RIC8B: variants seen among roughly 807,000 people sequenced by gnomAD.
RIC8B encodes RIC8 guanine nucleotide exchange factor B.
Under a neutral mutation model 57.5 loss-of-function variants are expected in RIC8B, and 16 were observed. The observed-to-expected ratio is 0.28, with a 90% CI of 0.19 to 0.42. The LOEUF (loss-of-function observed/expected upper bound fraction) is 0.42, where lower values mean the gene tolerates loss of function less well. RIC8B is among the 10% of genes least tolerant of loss of function. The probability of loss-of-function intolerance (pLI) is 1.00; values close to 1 mark genes in which losing one functional copy is unlikely to be tolerated. For synonymous variants in RIC8B, 216 were observed against 250.8 expected, an observed-to-expected ratio of 0.86 and a Z score of 1.31; for missense variants, 481 against 677.0, an observed-to-expected ratio of 0.71 and a Z score of 3.21.
chr12:106,871,793 T>G (rs948762627), intron 9 of RIC8B, among the ~76,000 whole-genome samples: 2 of 152,160 alleles, frequency 1.3e-5, no homozygotes, highest in East Asian at 3.9e-4. Flanking sequence ...TAAAGGCTAG[T>G]ATCCCTCAGT....
At chr12:106,885,421 A>G (rs998211650) in intron 9 of RIC8B, among the ~76,000 whole-genome samples, 1 of 152,162 alleles carries the variant, frequency 6.6e-6, no homozygotes, top group Non-Finnish European at 1.5e-5. Context: ...ATGTACTTAC[A>G]TATCACTAGA....
At chr12:106,855,947 A>G (rs1436515650) in intron 7 of RIC8B, among the ~76,000 whole-genome samples, 1 of 152,092 alleles carries the variant, frequency 6.6e-6, no homozygotes, top group Non-Finnish European at 1.5e-5. Context: ...CTTCATTCCC[A>G]TGCCCTTCGA....
At chr12:106,861,889 A>G (rs959342598) in intron 8 of RIC8B, among the ~76,000 whole-genome samples, 1 of 152,116 alleles carries the variant, frequency 6.6e-6, no homozygotes, top group African/African-American at 2.4e-5. Flanking sequence ...ACTCATGAGT[A>G]CTCATACATG....
At chr12:106,823,945 C>T (rs2045973473) in intron 3 of RIC8B, among the ~76,000 whole-genome samples, 2 of 152,166 alleles carry the variant, frequency 1.3e-5, no homozygotes, top group African/African-American at 4.8e-5. Context: ...CTCGGCCTCC[C>T]GAAGTGCTGG....
intron 2 of RIC8B, among the ~76,000 whole-genome samples, chr12:106,788,076 T>C (rs189034349): frequency 6.6e-6 from 1 of 152,208 alleles, no homozygotes; most frequent in East Asian, 1.9e-4. Context: ...ATTGGGTAAA[T>C]ACAGCCATTC....
At chr12:106,815,732 G>T (rs2045546585) in intron 3 of RIC8B, among the ~76,000 whole-genome samples, 1 of 152,260 alleles carries the variant, frequency 6.6e-6, no homozygotes, top group South Asian at 2.1e-4. Context: ...ATCAGAATTG[G>T]TGTCTGCTCA....
chr12:106,776,029 A>G (rs748390977), intron 1 of RIC8B, among the ~76,000 whole-genome samples: 7 of 152,136 alleles, frequency 4.6e-5, no homozygotes, highest in East Asian at 1.9e-4. Context: ...AATCTTCCCA[A>G]CAACCCTGGG....
chr12:106,794,645 CCTCAT>C (rs935286182), intron 2 of RIC8B, among the ~76,000 whole-genome samples: 1 of 152,016 alleles, frequency 6.6e-6, no homozygotes, highest in African/African-American at 2.4e-5. Flanking sequence ...AAAGAAGAAA[CCTCAT>C]CTAAGAATCC....
At chr12:106,832,419 T>G (rs987357409) in intron 4 of RIC8B, among the ~76,000 whole-genome samples, 3 of 151,916 alleles carry the variant, frequency 2.0e-5, no homozygotes, top group Non-Finnish European at 4.4e-5. Flanking sequence ...AACACAAAAA[T>G]TAGATGGGCG....
chr12:106,837,646 T>G (rs1395788574), intron 4 of RIC8B, among the ~76,000 whole-genome samples: 1 of 147,940 alleles, frequency 6.8e-6, no homozygotes. Flanking sequence ...TTTGTTTTTT[T>G]TTTTTTTTTT....
intron 8 of RIC8B, among the ~76,000 whole-genome samples, chr12:106,868,587 G>A (rs928567938): frequency 2.0e-5 from 3 of 152,048 alleles, no homozygotes; most frequent in South Asian, 2.1e-4. Context: ...ATCTGGATAC[G>A]TCTCCATAGT....
intron 2 of RIC8B, among the ~76,000 whole-genome samples, chr12:106,784,641 G>A (rs565959025): frequency 6.6e-6 from 1 of 152,290 alleles, no homozygotes; most frequent in African/African-American, 2.4e-5. Flanking sequence ...GGGATTACAG[G>A]TGTGAGCTAC....
intron 9 of RIC8B, among the ~76,000 whole-genome samples, chr12:106,881,509 C>G (rs1950932421): frequency 6.6e-6 from 1 of 151,950 alleles, no homozygotes; most frequent in African/African-American, 2.4e-5. Flanking sequence ...CCTGAGTCCA[C>G]CTACTGCAAG....
chr12:106,828,186 A>G (rs1213107420), intron 4 of RIC8B, among the ~76,000 whole-genome samples: 1 of 152,194 alleles, frequency 6.6e-6, no homozygotes, highest in African/African-American at 2.4e-5. Flanking sequence ...GACAGGATTT[A>G]TGAGTATTTC....
intron 5 of RIC8B, among the ~76,000 whole-genome samples, chr12:106,843,452 TA>T (rs1325292883): frequency 1.3e-5 from 2 of 152,178 alleles, no homozygotes; most frequent in Non-Finnish European, 2.9e-5. Context: ...AAAGAATTTT[TA>T]AAATAGTTTG....
At chr12:106,824,676 A>C (rs2046013930) in intron 3 of RIC8B, among the ~76,000 whole-genome samples, 1 of 152,026 alleles carries the variant, frequency 6.6e-6, no homozygotes, top group Non-Finnish European at 1.5e-5. Context: ...CGGGTGGATC[A>C]CCTGTGGTCA....
chr12:106,826,648 C>T (rs190792454), intron 4 of RIC8B, among the ~76,000 whole-genome samples: 3 of 152,250 alleles, frequency 2.0e-5, no homozygotes, highest in Admixed American at 6.5e-5. Flanking sequence ...CCTAGCTACT[C>T]GGGAAGCCGA....
In RIC8B at chr12:106,794,936, C is replaced by T. The variant is rs186166737; in HGVS notation, c.132+10892C>T. Among the ~76,000 whole-genome samples, 763 of 152,180 alleles carry T rather than the reference C, an allele frequency of 5.0e-3. 3 individuals carry two copies. The highest frequency in any genetic ancestry group is 0.017 in the African/African-American group (711 of 41,508). On this transcript the variant is annotated intron_variant, in intron 2 of 9. Coordinates refer to ENST00000392837, the MANE Select transcript of RIC8B (RefSeq NM_001330145.2). Reference sequence around the variant, plus strand: ...TGATTTTAAGAGCATTTGTATAAAACGATATGTATATAATGTATTGTTCAG... The same window carrying T: ...TGATTTTAAGAGCATTTGTATAAAATGATATGTATATAATGTATTGTTCAG...
chr12:106,777,115 G>A (rs1049498764), intron 1 of RIC8B, among the ~76,000 whole-genome samples: 1 of 152,142 alleles, frequency 6.6e-6, no homozygotes, highest in African/African-American at 2.4e-5. Context: ...CTCTCACCTT[G>A]GCCTCCCAAA....
Sources: gnomAD v4.1 joint callset for allele counts (sites outside exome capture counted in the v4.1 genomes callset) on GRCh38, gnomAD v4.1.1 for gene constraint, MANE v1.5 for transcripts, NCBI Gene and HGNC (gene_info 2026-07-23, HGNC 2026-07-21) for gene names.